Variants in RBMS1 observed in about 807,000 individuals in gnomAD.
RBMS1 encodes the protein RNA-binding motif, single-stranded-interacting protein 1.
A neutral mutation model predicts 62.3 loss-of-function variants in RBMS1; 17 were observed. The observed-to-expected ratio is 0.27, with a 90% CI of 0.19 to 0.41. RBMS1 has a LOEUF of 0.41. Among genes scored for constraint, RBMS1 ranks in the 10% least tolerant of loss-of-function variants. RBMS1 has a pLI of 1.00. For missense variants in RBMS1, 334 were observed against 504.5 expected (o/e 0.66, Z 3.24); for synonymous variants, 172 against 170.0 (o/e 1.01, Z -0.09).
chr2:160,390,023 A>T (rs146303250), intron 1 of RBMS1, among the ~76,000 whole-genome samples: 78 of 152,354 alleles, frequency 5.1e-4, no homozygotes, highest in African/African-American at 1.7e-3. Flanking sequence ...AATAGCTTTC[A>T]AAACAATCTT....
intron 1 of RBMS1, among the ~76,000 whole-genome samples, chr2:160,405,941 T>C (rs1385627895): frequency 2.0e-5 from 3 of 152,326 alleles, no homozygotes; most frequent in African/African-American, 7.2e-5. Flanking sequence ...GGGGAATGTT[T>C]ATTGTAAATT....
chr2:160,325,254 CA>C (rs1690858858), intron 2 of RBMS1, among the ~76,000 whole-genome samples: 1 of 152,082 alleles, frequency 6.6e-6, no homozygotes, highest in Non-Finnish European at 1.5e-5. Context: ...GTCCTTAAGA[CA>C]GATGCTGATG....
At chr2:160,445,755 C>T (rs749847599) in intron 1 of RBMS1, among the ~76,000 whole-genome samples, 3 of 152,160 alleles carry the variant, frequency 2.0e-5, no homozygotes, top group African/African-American at 2.4e-5. Flanking sequence ...AGTTCAGAGG[C>T]GGTGATGAGA....
intron 3 of RBMS1, among the ~76,000 whole-genome samples, chr2:160,313,740 AC>A (rs1256531544): frequency 6.6e-6 from 1 of 152,088 alleles, no homozygotes; most frequent in Non-Finnish European, 1.5e-5. Flanking sequence ...ACTATTAGAC[AC>A]CCCCAATATA....
Position 160,493,461 on chromosome 2 carries a change from G to GGCGGCA in RBMS1, c.-99_-98insTGCCGC. On this transcript the variant is annotated 5_prime_UTR_variant, in exon 1 of 14. Transcript: ENST00000348849. ...CTCCCTTTCCGGCGGCGGCGGCAGCGGCGGCGGCGGCGGCGGCTGCTGCTG... is the reference window on the plus strand; with the variant it reads ...CTCCCTTTCCGGCGGCGGCGGCAGCGGCGGCAGCGGCGGCGGCGGCGGCTGCTGCTG... 1.2e-6 allele frequency: 1 copy of GGCGGCA among 864,924 alleles called. No homozygotes were observed. The highest frequency in any genetic ancestry group is 1.8e-6 in the Non-Finnish European group (1 of 563,630). The allele number at this position is 864,924 out of a possible 1,614,324, so 53.6% of individuals were successfully genotyped here. A position where few individuals can be genotyped will look rare whatever the true frequency, so the allele number is the denominator to read the frequency against.
intron 1 of RBMS1, among the ~76,000 whole-genome samples, chr2:160,401,201 T>C (rs1695409977): frequency 6.6e-6 from 1 of 152,212 alleles, no homozygotes; most frequent in Admixed American, 6.5e-5. Flanking sequence ...GCATATACAA[T>C]TGACAAACAA....
intron 1 of RBMS1, among the ~76,000 whole-genome samples, chr2:160,387,310 A>G (rs76273327): frequency 6.8e-6 from 1 of 147,166 alleles, no homozygotes. Context: ...TATTTTAATG[A>G]TTTTTTTTTT....
chr2:160,424,368 G>GGT (rs1651919803), intron 1 of RBMS1, among the ~76,000 whole-genome samples: 1 of 55,322 alleles, frequency 1.8e-5, no homozygotes, highest in Non-Finnish European at 4.0e-5. Flanking sequence ...GAGAGATTGG[G>GGT]GGGGGGGGGA....
chr2:160,334,383 C>T (rs1453954995), intron 2 of RBMS1, among the ~76,000 whole-genome samples: 6 of 152,158 alleles, frequency 3.9e-5, no homozygotes, highest in Non-Finnish European at 8.8e-5. Flanking sequence ...AAAGTACTGT[C>T]ACATTTGACA....
At chr2:160,459,849 T>A (rs1012055889) in intron 1 of RBMS1, among the ~76,000 whole-genome samples, 1 of 152,174 alleles carries the variant, frequency 6.6e-6, no homozygotes, top group African/African-American at 2.4e-5. Context: ...TTCATCAATA[T>A]TGATTGAAAC....
At chr2:160,378,045 G>A (rs766408898) in intron 1 of RBMS1, among the ~76,000 whole-genome samples, 7 of 151,902 alleles carry the variant, frequency 4.6e-5, no homozygotes, top group Admixed American at 1.3e-4. Context: ...ATTATTTTGT[G>A]CAGCCTCTTT....
At chr2:160,336,698 T>C (rs561288577) in intron 2 of RBMS1, among the ~76,000 whole-genome samples, 5 of 152,348 alleles carry the variant, frequency 3.3e-5, no homozygotes, top group African/African-American at 1.2e-4. Flanking sequence ...TTGACTTTTT[T>C]TTCCTAAGTA....
At position 160,277,278 on chromosome 2, in the gene RBMS1, T is replaced by C. The variant is rs187925105; in HGVS notation, c.1143+25A>G. ...TTTCTGAAACTACTTATAGCCAGAATGGTCACTGGATGGTCTCTACCAACC... is the reference window on the plus strand; with the variant it reads ...TTTCTGAAACTACTTATAGCCAGAACGGTCACTGGATGGTCTCTACCAACC... On this transcript the variant is annotated intron_variant, in intron 12 of 13. Coordinates refer to ENST00000348849, the MANE Select transcript of RBMS1 (RefSeq NM_016836.4). 2,773 of 1,550,232 alleles carry C rather than the reference T, an allele frequency of 1.8e-3. 4 individuals carry two copies. The highest frequency in any genetic ancestry group is 3.2e-3 in the Admixed American group (187 of 59,362).
At chr2:160,445,264 C>T (rs954423134) in intron 1 of RBMS1, among the ~76,000 whole-genome samples, 3 of 152,166 alleles carry the variant, frequency 2.0e-5, no homozygotes, top group Non-Finnish European at 4.4e-5. Flanking sequence ...ATGTTTACTA[C>T]ATTGATCTTT....
Position 160,285,270 on chromosome 2 carries a change from A to G in RBMS1, c.757-226T>C, listed in dbSNP as rs984598931. On this transcript the variant is annotated intron_variant, in intron 7 of 13. Transcript: ENST00000348849. ...GGAGACCCCTGTCTCTTAAAAAAAA[A>G]GGGGAGGGAGGGGAATTTGTACTTA... Among the ~76,000 whole-genome samples the G allele has an allele frequency of 2.6e-5, 4 of 151,924 alleles. No individual in the cohort carries two copies. The East Asian group carries it at 7.7e-4, about 29-fold the overall frequency.
At chr2:160,451,779 T>C (rs1369107375) in intron 1 of RBMS1, among the ~76,000 whole-genome samples, 25 of 152,164 alleles carry the variant, frequency 1.6e-4, no homozygotes, top group Admixed American at 1.6e-3. Flanking sequence ...CGGCTAAATT[T>C]TGTATTTTTA....
intron 1 of RBMS1, among the ~76,000 whole-genome samples, chr2:160,413,154 A>G (rs1696095248): frequency 6.6e-6 from 1 of 152,194 alleles, no homozygotes; most frequent in Non-Finnish European, 1.5e-5. Flanking sequence ...TTTGGGTGAA[A>G]TTGAAAGGTG....
intron 2 of RBMS1, among the ~76,000 whole-genome samples, chr2:160,362,232 T>C (rs928627372): frequency 2.0e-5 from 3 of 152,248 alleles, no homozygotes; most frequent in Non-Finnish European, 4.4e-5. Context: ...AAGGACGTTT[T>C]GCTTTCTTAT....
At chr2:160,388,983 T>C (rs1379397354) in intron 1 of RBMS1, among the ~76,000 whole-genome samples, 3 of 152,264 alleles carry the variant, frequency 2.0e-5, no homozygotes, top group African/African-American at 7.2e-5. Flanking sequence ...TCTCACAAAC[T>C]GTCTCCATCC....
Sources: gnomAD v4.1 joint callset for allele counts (sites outside exome capture counted in the v4.1 genomes callset) on GRCh38, gnomAD v4.1.1 for gene constraint, MANE v1.5 for transcripts, NCBI Gene and HGNC (gene_info 2026-07-23, HGNC 2026-07-21) for gene names.